SNTG1: variants seen among roughly 807,000 people sequenced by gnomAD.
The protein encoded by SNTG1 is syntrophin gamma 1.
SNTG1 carries 39 observed loss-of-function variants against 74.7 expected under a neutral mutation model. That is an observed-to-expected ratio of 0.52 (90% CI 0.40 to 0.68). The LOEUF (loss-of-function observed/expected upper bound fraction) is 0.68. Among genes scored for constraint, SNTG1 ranks in the 30% least tolerant of loss-of-function variants. The pLI, the probability that SNTG1 is intolerant of heterozygous loss-of-function variation, is 0.00. For synonymous variants in SNTG1, 254 were observed against 217.1 expected, an observed-to-expected ratio of 1.17 and a Z score of -1.49; for missense variants, 685 against 609.5, an observed-to-expected ratio of 1.12 and a Z score of -1.30.
intron 18 of SNTG1, among the ~76,000 whole-genome samples, chr8:50,786,792 A>C (rs995852148): frequency 6.6e-6 from 1 of 152,040 alleles, no homozygotes; most frequent in Non-Finnish European, 1.5e-5. Context: ...TATTGAATCC[A>C]AAAAATTAAG....
intron 8 of SNTG1, 25 bp from the exon 9 acceptor site, chr8:50,502,753 G>C: frequency 6.4e-7 from 1 of 1,563,642 alleles, no homozygotes; most frequent in African/African-American, 1.4e-5. Context: ...AATGATGATT[G>C]TATTCTTTTT....
rs551438233 is a variant in SNTG1 at position 50,183,818 on chromosome 8, C to A, written c.-28+11183C>A. On this transcript the variant is annotated intron_variant, in intron 2 of 18. Coordinates refer to ENST00000642720, the MANE Select transcript of SNTG1 (RefSeq NM_018967.5). ...ATTTGTCTGAATTTGCTATTTATAT[C>A]TATTTTCTCTCCAAACTTTCAGCAA... Among the ~76,000 whole-genome samples the A allele has an allele frequency of 6.6e-5, 10 of 152,252 alleles. No individual in the cohort carries two copies. The South Asian group carries it at 2.1e-3, about 32-fold the overall frequency.
At position 50,696,301 on chromosome 8, in the gene SNTG1, T is replaced by A. The variant is rs1207795052; in HGVS notation, c.1039-8299T>A. Among the ~76,000 whole-genome samples, 3 of 152,102 alleles carry A rather than the reference T, an allele frequency of 2.0e-5. No homozygotes were observed. The East Asian group carries it at 5.8e-4, about 29-fold the overall frequency. ...ATGTCTGTTCATGTCCTTTGCCCAC[T>A]TTTTAATGGGGTTATTTGTTTTCTT... is the stretch of plus-strand genomic sequence containing the variant. On this transcript the variant is annotated intron_variant, in intron 15 of 18. Coordinates refer to ENST00000642720, the MANE Select transcript of SNTG1 (RefSeq NM_018967.5).
chr8:50,366,088 A>G (rs2092101083), intron 2 of SNTG1, among the ~76,000 whole-genome samples: 1 of 152,168 alleles, frequency 6.6e-6, no homozygotes, highest in South Asian at 2.1e-4. Flanking sequence ...ATCATGCTAT[A>G]TTGAAAATAT....
chr8:49,934,112 G>A (rs954229297), intron 1 of SNTG1, among the ~76,000 whole-genome samples: 1 of 152,090 alleles, frequency 6.6e-6, no homozygotes, highest in South Asian at 2.1e-4. Flanking sequence ...TAGTTAGGAT[G>A]TCTGGGCTGC....
At chr8:50,308,587 GTTTTC>G (rs1368225270) in intron 2 of SNTG1, among the ~76,000 whole-genome samples, 1 of 151,904 alleles carries the variant, frequency 6.6e-6, no homozygotes, top group African/African-American at 2.4e-5. Flanking sequence ...TCTTCCTTCT[GTTTTC>G]TTTTAAGATT....
Position 50,734,805 on chromosome 8 carries a change from ATAGATAT to A in SNTG1, c.1285-17195_1285-17189del, listed in dbSNP as rs1441838806. On this transcript the variant is annotated intron_variant, in intron 17 of 18. Transcript: ENST00000642720. Reference sequence around the variant, plus strand: ...GATATCTATATATATGGACATATATATAGATATCTATATATATGGACATATATATATC... The same window carrying A: ...GATATCTATATATATGGACATATATACTATATATATGGACATATATATATC... 6.0e-4 allele frequency among the ~76,000 whole-genome samples: 47 copies of A among 78,648 alleles called. 2 individuals are homozygous for A. Among genetic ancestry groups the A allele is most frequent in the African/African-American group, 3.5e-3 (42 of 12,056 alleles). 51.6% of individuals were successfully genotyped at this position (78,648 alleles called of 152,430 possible).
intron 2 of SNTG1, among the ~76,000 whole-genome samples, chr8:50,213,787 T>C (rs1025321165): frequency 6.6e-6 from 1 of 152,046 alleles, no homozygotes; most frequent in Non-Finnish European, 1.5e-5. Context: ...TCTGTTTTTT[T>C]CTTGTAAATT....
At chr8:49,957,414 C>T (rs897312222) in intron 1 of SNTG1, among the ~76,000 whole-genome samples, 1 of 152,072 alleles carries the variant, frequency 6.6e-6, no homozygotes, top group African/African-American at 2.4e-5. Flanking sequence ...TCTTTATGTT[C>T]CTTTACTTCA....
At chr8:50,211,877 A>G (rs1563746918) in intron 2 of SNTG1, among the ~76,000 whole-genome samples, 1 of 152,138 alleles carries the variant, frequency 6.6e-6, no homozygotes, top group African/African-American at 2.4e-5. Flanking sequence ...GTATCTGAGT[A>G]GACAGTTGTG....
chr8:50,152,696 G>T (rs1233428382), intron 1 of SNTG1, among the ~76,000 whole-genome samples: 2 of 152,150 alleles, frequency 1.3e-5, no homozygotes, highest in Non-Finnish European at 2.9e-5. Context: ...GAAATTCTGG[G>T]TTGAAAATTA....
At chr8:50,471,621 C>T (rs1331742100) in intron 8 of SNTG1, among the ~76,000 whole-genome samples, 1 of 152,068 alleles carries the variant, frequency 6.6e-6, no homozygotes, top group East Asian at 1.9e-4. Context: ...AAGTATTTAT[C>T]CAAGATAAAT....
intron 6 of SNTG1, 113 bp downstream of exon 6, chr8:50,449,838 C>T: frequency 3.2e-6 from 3 of 945,264 alleles, no homozygotes; most frequent in South Asian, 5.6e-5. Flanking sequence ...CTCCAGCTTC[C>T]CCACCTTCAG....
At chr8:50,197,133 TGTTA>T (rs2083801003) in intron 2 of SNTG1, among the ~76,000 whole-genome samples, 1 of 152,192 alleles carries the variant, frequency 6.6e-6, no homozygotes, top group Non-Finnish European at 1.5e-5. Context: ...CAAAAATGAT[TGTTA>T]TTTATTTCCA....
At chr8:50,011,077 A>G (rs993889305) in intron 1 of SNTG1, among the ~76,000 whole-genome samples, 3 of 152,222 alleles carry the variant, frequency 2.0e-5, no homozygotes, top group African/African-American at 4.8e-5. Flanking sequence ...GACTACATAT[A>G]TGCTTGTGAC....
chr8:50,293,980 G>A (rs6473055), intron 2 of SNTG1, among the ~76,000 whole-genome samples: 10,548 of 152,066 alleles, frequency 0.069, 409 homozygotes, highest in African/African-American at 0.085. Flanking sequence ...TGGAAAGAAC[G>A]TCTTATCAAG....
At chr8:50,438,823 T>C (rs145474908) in intron 5 of SNTG1, among the ~76,000 whole-genome samples, 3 of 152,230 alleles carry the variant, frequency 2.0e-5, no homozygotes, top group South Asian at 4.1e-4. Flanking sequence ...ACCTTATGAT[T>C]GAATTTAACT....
chr8:50,518,092 T>A lies in SNTG1; in HGVS notation c.467-12085T>A, dbSNP rs574693729. 7.9e-5 allele frequency among the ~76,000 whole-genome samples: 12 copies of A among 152,206 alleles called. No homozygotes were observed. The South Asian group carries it at 2.1e-3, about 26-fold the overall frequency. On this transcript the variant is annotated intron_variant, in intron 9 of 18. Transcript: ENST00000642720. ...CTCTGCAAATACAAGAGAATGAGAA[T>A]CATAACAAACAGACTCTAAGATCAT... is the stretch of plus-strand genomic sequence containing the variant.
At chr8:50,385,299 C>T (rs949689908) in intron 2 of SNTG1, among the ~76,000 whole-genome samples, 2 of 152,176 alleles carry the variant, frequency 1.3e-5, no homozygotes, top group African/African-American at 4.8e-5. Context: ...GAATATGTTG[C>T]CTCCAAAACT....
Sources: allele counts gnomAD v4.1 joint callset (sites outside exome capture counted in the v4.1 genomes callset), GRCh38; gene constraint gnomAD v4.1.1; transcripts MANE v1.5; gene names NCBI Gene and HGNC (gene_info 2026-07-23, HGNC 2026-07-21).